The following NRG1 variants were observed in gnomAD, a reference collection of about 807,000 sequenced individuals.
The protein encoded by NRG1 is pro-neuregulin-1, membrane-bound isoform.
NRG1 carries 18 observed loss-of-function variants against 63.8 expected under a neutral mutation model. The ratio of observed to expected loss-of-function variants is 0.28; its 90% CI spans 0.19 to 0.42. The LOEUF (loss-of-function observed/expected upper bound fraction) is 0.42, where lower values mean the gene tolerates loss of function less well. Ranked by LOEUF, NRG1 falls within the 10% of genes least tolerant of loss-of-function variation. The probability of loss-of-function intolerance (pLI) is 1.00; values close to 1 mark genes in which losing one functional copy is unlikely to be tolerated. For missense variants in NRG1, 762 were observed against 814.7 expected (o/e 0.94, Z 0.79); for synonymous variants, 302 against 301.3 (o/e 1.00, Z -0.02).
intron 1 of NRG1, among the ~76,000 whole-genome samples, chr8:32,098,001 C>G (rs1830097458): frequency 6.6e-6 from 1 of 152,026 alleles, no homozygotes; most frequent in South Asian, 2.1e-4. Context: ...CAGATGAGAT[C>G]CTCCATGTAA....
chr8:32,295,956 AGAG>A (rs1486843105), intron 1 of NRG1, among the ~76,000 whole-genome samples: 18 of 112,946 alleles, frequency 1.6e-4, no homozygotes, highest in Middle Eastern at 4.7e-3. Flanking sequence ...AAAAAAAAAA[AGAG>A]AGAGAGAGAG....
intron 1 of NRG1, among the ~76,000 whole-genome samples, chr8:32,354,750 A>AAATG (rs1806124791): frequency 7.4e-6 from 1 of 134,646 alleles, no homozygotes; most frequent in Admixed American, 7.4e-5. Flanking sequence ...ATAAATAAAT[A>AAATG]AATGCACTTT....
chr8:32,077,515 G>A (rs1402849493), intron 1 of NRG1, among the ~76,000 whole-genome samples: 2 of 152,172 alleles, frequency 1.3e-5, no homozygotes, highest in East Asian at 3.8e-4. Context: ...TTAATTGAAT[G>A]AATCATATGA....
chr8:31,970,091 T>C (rs761264208), intron 1 of NRG1, among the ~76,000 whole-genome samples: 97 of 152,192 alleles, frequency 6.4e-4, no homozygotes, highest in Non-Finnish European at 2.4e-4. Flanking sequence ...TAATTGAGTA[T>C]ACGGTGGGTG....
At chr8:32,547,842 C>A (rs1777304970), upstream of NRG1, among the ~76,000 whole-genome samples, 1 of 152,220 alleles carries the variant, frequency 6.6e-6, no homozygotes, top group Non-Finnish European at 1.5e-5. Flanking sequence ...GCACCCCTCC[C>A]AGGGTTCCTG....
At chr8:32,727,336 A>G (rs1267449514) in intron 5 of NRG1, among the ~76,000 whole-genome samples, 1 of 152,224 alleles carries the variant, frequency 6.6e-6, no homozygotes, top group Non-Finnish European at 1.5e-5. Context: ...TGGACATTCA[A>G]CCATGTTCCT....
chr8:31,803,226 TG>T (rs1412997269), intron 1 of NRG1, among the ~76,000 whole-genome samples: 1 of 152,228 alleles, frequency 6.6e-6, no homozygotes, highest in Non-Finnish European at 1.5e-5. Flanking sequence ...AAAAAGTCTT[TG>T]TTCAGTGTAC....
At chr8:31,883,444 C>T (rs566499155) in intron 1 of NRG1, among the ~76,000 whole-genome samples, 207 of 152,176 alleles carry the variant, frequency 1.4e-3, no homozygotes, top group South Asian at 3.5e-3. Flanking sequence ...TGTAATATCC[C>T]TAAGGTATGC....
intron 1 of NRG1, among the ~76,000 whole-genome samples, chr8:32,344,853 T>C (rs1280459595): frequency 6.6e-6 from 1 of 152,140 alleles, no homozygotes; most frequent in Non-Finnish European, 1.5e-5. Flanking sequence ...TTAAATCTAC[T>C]AGACAATCTA....
At chr8:31,849,121 A>G (rs1202040877) in intron 1 of NRG1, among the ~76,000 whole-genome samples, 3 of 152,188 alleles carry the variant, frequency 2.0e-5, no homozygotes, top group Admixed American at 1.3e-4. Context: ...GTGATAATCT[A>G]TATGCCCATT....
chr8:31,838,650 A>G (rs1254602230), intron 1 of NRG1, among the ~76,000 whole-genome samples: 1 of 152,120 alleles, frequency 6.6e-6, no homozygotes, highest in African/African-American at 2.4e-5. Flanking sequence ...AACTTTTACC[A>G]TCTATAATTT....
At chr8:31,790,763 C>A (rs1563405468) in intron 1 of NRG1, among the ~76,000 whole-genome samples, 2 of 152,156 alleles carry the variant, frequency 1.3e-5, no homozygotes, top group Non-Finnish European at 2.9e-5. Context: ...ACAAAGGGAA[C>A]TGAGAGATAG....
intron 7 of NRG1, chr8:32,749,593 C>CA (rs755802339): frequency 6.2e-7 from 1 of 1,613,282 alleles, no homozygotes; most frequent in Non-Finnish European, 8.5e-7. Flanking sequence ...GGGTATGGAC[C>CA]AATCATCATT....
intron 1 of NRG1, among the ~76,000 whole-genome samples, chr8:32,122,047 A>G (rs552206987): frequency 5.3e-5 from 8 of 152,150 alleles, no homozygotes; most frequent in African/African-American, 1.4e-4. Context: ...AGAATATCCA[A>G]TGGGTAAGAC....
chr8:32,427,265 T>C (rs1426918593), intron 1 of NRG1, among the ~76,000 whole-genome samples: 1 of 152,176 alleles, frequency 6.6e-6, no homozygotes, highest in Non-Finnish European at 1.5e-5. Context: ...TGGTTTTCCC[T>C]GAAAAATCAC....
chr8:31,639,634 G>A, intron 1 of NRG1: 2 of 1,412,862 alleles, frequency 1.4e-6, no homozygotes, highest in Non-Finnish European at 1.8e-6. Context: ...TCCTCCTCCG[G>A]TGACAGCAGC....
intron 1 of NRG1, among the ~76,000 whole-genome samples, chr8:32,447,266 A>G (rs1820384427): frequency 6.6e-6 from 1 of 151,808 alleles, no homozygotes; most frequent in East Asian, 2.0e-4. Context: ...CTCGTGATCC[A>G]CCTGCATCGG....
intron 1 of NRG1, among the ~76,000 whole-genome samples, chr8:31,746,399 C>A (rs958353417): frequency 6.6e-6 from 1 of 151,964 alleles, no homozygotes; most frequent in South Asian, 2.1e-4. Context: ...CAAAATTAGA[C>A]GACGTTTTTC....
At chr8:32,577,856 C>T (rs1481911520) in intron 1 of NRG1, among the ~76,000 whole-genome samples, 1 of 152,078 alleles carries the variant, frequency 6.6e-6, no homozygotes, top group African/African-American at 2.4e-5. Context: ...GTCTTTGTAA[C>T]TTCATCTGTG....
Sources: allele counts gnomAD v4.1 joint callset (sites outside exome capture counted in the v4.1 genomes callset), GRCh38; gene constraint gnomAD v4.1.1; transcripts MANE v1.5; gene names NCBI Gene and HGNC (gene_info 2026-07-23, HGNC 2026-07-21).